The following LRP6 variants were observed in gnomAD, a reference collection of about 807,000 sequenced individuals.
LRP6 encodes low-density lipoprotein receptor-related protein 6.
Under a neutral mutation model 184.1 loss-of-function variants are expected in LRP6, and 43 were observed. That is an observed-to-expected ratio of 0.23 (90% CI 0.18 to 0.30). The LOEUF (loss-of-function observed/expected upper bound fraction) is 0.30, where lower values mean the gene tolerates loss of function less well. Among genes scored for constraint, LRP6 ranks in the 10% least tolerant of loss-of-function variants. The pLI is 1.00. For missense variants in LRP6, 1,571 were observed against 2,005.3 expected (o/e 0.78, Z 4.14); for synonymous variants, 719 against 684.9 (o/e 1.05, Z -0.78).
chr12:12,230,792 T>C (rs933752281), intron 2 of LRP6, among the ~76,000 whole-genome samples: 9 of 152,142 alleles, frequency 5.9e-5, no homozygotes, highest in African/African-American at 2.2e-4. Context: ...GATTTGTACA[T>C]ATACACAAAA....
intron 6 of LRP6, 137 bp downstream of exon 6, chr12:12,180,906 T>C (rs1863328396): frequency 4.5e-6 from 4 of 880,488 alleles, no homozygotes; most frequent in Non-Finnish European, 7.3e-6. Flanking sequence ...CTAATCACCA[T>C]ATCCTAAAAT....
At chr12:12,194,058 A>C (rs1021599117) in intron 3 of LRP6, among the ~76,000 whole-genome samples, 2 of 152,088 alleles carry the variant, frequency 1.3e-5, no homozygotes, top group Admixed American at 1.3e-4. Context: ...CCAATTACTG[A>C]AATTCACCAT....
rs1342547648 is a variant in LRP6, at chr12:12,117,473, T to C, written c.*3653A>G. Reference sequence around the variant, plus strand: ...CTGAATCTTGTTAGATACGTAATGATAACCAATATGTAATTCCTATGGCAT... The same window carrying C: ...CTGAATCTTGTTAGATACGTAATGACAACCAATATGTAATTCCTATGGCAT... On this transcript the variant is annotated 3_prime_UTR_variant, in exon 23 of 23. Coordinates refer to ENST00000261349, the MANE Select transcript of LRP6 (RefSeq NM_002336.3). The C allele has an allele frequency of 2.0e-5, 3 of 152,248 alleles. No individual in the cohort carries two copies. The highest frequency in any genetic ancestry group is 1.9e-4 in the East Asian group (1 of 5,202). The allele number at this position is 152,248 out of a possible 1,614,324, so 9.4% of individuals were successfully genotyped here.
At chr12:12,256,094 T>C (rs938878139) in intron 1 of LRP6, among the ~76,000 whole-genome samples, 1 of 152,210 alleles carries the variant, frequency 6.6e-6, no homozygotes, top group Non-Finnish European at 1.5e-5. Context: ...TTCTGATTTA[T>C]AAAACGAAGG....
intron 4 of LRP6, among the ~76,000 whole-genome samples, chr12:12,185,847 G>GTTT (rs71435899): frequency 1.4e-5 from 2 of 140,892 alleles, no homozygotes; most frequent in African/African-American, 5.2e-5. Flanking sequence ...TGTGTTTTTT[G>GTTT]TTTTTTTTTT....
intron 1 of LRP6, among the ~76,000 whole-genome samples, chr12:12,245,090 A>G (rs1016227773): frequency 6.6e-6 from 1 of 152,210 alleles, no homozygotes; most frequent in African/African-American, 2.4e-5. Flanking sequence ...TTTATTCCAC[A>G]TCTAGGTATT....
intron 10 of LRP6, 22 bp downstream of exon 10, chr12:12,162,171 A>C (rs1273625255): frequency 6.3e-7 from 1 of 1,589,480 alleles, no homozygotes; most frequent in East Asian, 2.2e-5. Flanking sequence ...GTTGCAAAGA[A>C]TGCACATGTA....
intron 15 of LRP6, among the ~76,000 whole-genome samples, chr12:12,145,502 CT>C (rs1344205607): frequency 6.7e-6 from 1 of 150,150 alleles, no homozygotes; most frequent in African/African-American, 2.5e-5. Flanking sequence ...TTCTTTTCCC[CT>C]CTCCTCTCTC....
chr12:12,175,136 C>T (rs55970433), intron 7 of LRP6, among the ~76,000 whole-genome samples: 3,038 of 152,256 alleles, frequency 0.02, 68 homozygotes, highest in Non-Finnish European at 0.031. Context: ...AACCTATAAT[C>T]CCAACACTTT....
chr12:12,133,307 T>C (rs889467761), intron 17 of LRP6, among the ~76,000 whole-genome samples: 29 of 152,184 alleles, frequency 1.9e-4, no homozygotes, highest in African/African-American at 7.0e-4. Flanking sequence ...AAGTGAGGCC[T>C]GGTGGGAAGT....
At chr12:12,225,683 C>G (rs1402984509) in intron 2 of LRP6, among the ~76,000 whole-genome samples, 1 of 151,804 alleles carries the variant, frequency 6.6e-6, no homozygotes, top group African/African-American at 2.4e-5. Flanking sequence ...ACCAGCTGGA[C>G]CAACATAGTA....
chr12:12,247,853 T>C (rs1279727984), intron 1 of LRP6, among the ~76,000 whole-genome samples: 1 of 152,148 alleles, frequency 6.6e-6, no homozygotes, highest in Non-Finnish European at 1.5e-5. Flanking sequence ...ATAATCACCA[T>C]CACTTCTCTT....
At chr12:12,264,958 A>C (rs1865719635) in intron 1 of LRP6, among the ~76,000 whole-genome samples, 1 of 152,168 alleles carries the variant, frequency 6.6e-6, no homozygotes, top group Admixed American at 6.6e-5. Context: ...TAATGAACAA[A>C]CCCAGCTCTG....
intron 10 of LRP6, among the ~76,000 whole-genome samples, chr12:12,160,856 G>C (rs1862722168): frequency 6.6e-6 from 1 of 152,148 alleles, no homozygotes; most frequent in Non-Finnish European, 1.5e-5. Flanking sequence ...TTGAATACTG[G>C]AACTAAAAAA....
At chr12:12,166,133 T>G (rs572580640) in intron 7 of LRP6, among the ~76,000 whole-genome samples, 1 of 152,260 alleles carries the variant, frequency 6.6e-6, no homozygotes, top group African/African-American at 2.4e-5. Flanking sequence ...GAGCAGATAT[T>G]GTTCACATGT....
rs562189962 is a variant in LRP6 at position 12,244,103 on chromosome 12, G to A, written c.449+159C>T. The stretch of plus-strand genomic sequence containing the variant: ...CTGTCAAAAATAATAATAACACAAC[G>A]TAACTTTCCACATTCAAGTCTACTC... On this transcript the variant is annotated intron_variant, in intron 2 of 22. Transcript: ENST00000261349. 2.6e-5 allele frequency among the ~76,000 whole-genome samples: 4 copies of A among 152,144 alleles called. No individual in the cohort carries two copies. The South Asian group carries it at 6.2e-4, about 24-fold the overall frequency.
chr12:12,141,406 G>A (rs1022044765), intron 15 of LRP6, among the ~76,000 whole-genome samples: 7 of 152,070 alleles, frequency 4.6e-5, no homozygotes, highest in Admixed American at 1.3e-4. Flanking sequence ...TTCTATTTTC[G>A]AAATTCTGAG....
intron 2 of LRP6, among the ~76,000 whole-genome samples, chr12:12,238,201 G>C (rs182480190): frequency 7.5e-5 from 11 of 147,556 alleles, no homozygotes; most frequent in Admixed American, 6.1e-4. Flanking sequence ...AAAGAATTTT[G>C]TATCTAGATG....
rs911734243 is a variant in LRP6, at chr12:12,181,553, C to T, written c.977-114G>A. On this transcript the variant is annotated intron_variant, in intron 5 of 22. Coordinates refer to ENST00000261349, the MANE Select transcript of LRP6 (RefSeq NM_002336.3). ...AATATAAAATATACATAAATTAACA[C>T]AAAAGGATGTGCACTCTCTTTAGAG... 6 of 711,494 alleles carry T rather than the reference C, an allele frequency of 8.4e-6. No homozygotes were observed. In the African/African-American group the frequency reaches 1.1e-4, roughly 13 times the overall value. The allele number at this position is 711,494 out of a possible 1,614,324, so 44.1% of individuals were successfully genotyped here. A position where few individuals can be genotyped will look rare whatever the true frequency, so the allele number is the denominator to read the frequency against.
Sources: allele counts gnomAD v4.1 joint callset (sites outside exome capture counted in the v4.1 genomes callset), GRCh38; gene constraint gnomAD v4.1.1; transcripts MANE v1.5; gene names NCBI Gene and HGNC (gene_info 2026-07-23, HGNC 2026-07-21).